The following KIAA1217 variants were observed in gnomAD, a reference collection of about 807,000 sequenced individuals.
KIAA1217 encodes the protein KIAA1217, also known as sickle tail protein homolog.
KIAA1217 carries 88 observed loss-of-function variants against 163.9 expected under a neutral mutation model. That is an observed-to-expected ratio of 0.54 (90% confidence interval 0.45 to 0.64). The LOEUF (loss-of-function observed/expected upper bound fraction) is 0.64. Among genes scored for constraint, KIAA1217 ranks in the 30% least tolerant of loss-of-function variants. The pLI is 0.00. For synonymous variants in KIAA1217, 903 were observed against 923.1 expected (o/e 0.98, Z 0.39); for missense variants, 2,372 against 2,475.0 (o/e 0.96, Z 0.88).
At chr10:23,727,776 C>T (rs1013787279) in intron 1 of KIAA1217, among the ~76,000 whole-genome samples, 2 of 152,094 alleles carry the variant, frequency 1.3e-5, no homozygotes, top group African/African-American at 4.8e-5. Context: ...AGGTATTTCT[C>T]CTGATGCTAT....
At chr10:24,360,939 C>T (rs540854471) in intron 2 of KIAA1217, among the ~76,000 whole-genome samples, 1 of 150,980 alleles carries the variant, frequency 6.6e-6, no homozygotes, top group African/African-American at 2.4e-5. Flanking sequence ...GAAAAGCAAG[C>T]ACAAATAATT....
At chr10:24,401,702 A>G (rs2056546183) in intron 3 of KIAA1217, among the ~76,000 whole-genome samples, 1 of 152,186 alleles carries the variant, frequency 6.6e-6, no homozygotes, top group Admixed American at 6.5e-5. Context: ...TCTTAACATA[A>G]TTCTGGACAT....
intron 6 of KIAA1217, among the ~76,000 whole-genome samples, chr10:24,491,291 T>C (rs1305056498): frequency 2.4e-5 from 2 of 83,276 alleles, no homozygotes; most frequent in African/African-American, 4.8e-5. Flanking sequence ...TTTTCCTTTT[T>C]TTTTTTTTTT....
intron 3 of KIAA1217, among the ~76,000 whole-genome samples, chr10:24,387,658 T>G (rs1431183660): frequency 1.3e-5 from 2 of 152,204 alleles, no homozygotes; most frequent in African/African-American, 4.8e-5. Context: ...AAAACCCCCG[T>G]TGTCTCAGCC....
At chr10:23,916,988 A>AT (rs59096878) in intron 1 of KIAA1217, among the ~76,000 whole-genome samples, 32 of 149,048 alleles carry the variant, frequency 2.1e-4, no homozygotes, top group Non-Finnish European at 2.8e-4. Context: ...AAAAAAAAAA[A>AT]GGTTTGTCTT....
At chr10:24,121,971 TTGA>T (rs2063298511) in intron 2 of KIAA1217, among the ~76,000 whole-genome samples, 1 of 152,190 alleles carries the variant, frequency 6.6e-6, no homozygotes, top group Admixed American at 6.5e-5. Context: ...TGTGGTTATC[TTGA>T]TGCTTTGTGT....
At chr10:24,011,254 G>A (rs1847224975) in intron 2 of KIAA1217, among the ~76,000 whole-genome samples, 1 of 152,148 alleles carries the variant, frequency 6.6e-6, no homozygotes, top group South Asian at 2.1e-4. Flanking sequence ...GGGAGGCTGA[G>A]GCAGGAGGAT....
At chr10:24,194,571 C>A (rs183168720) in intron 2 of KIAA1217, among the ~76,000 whole-genome samples, 14 of 151,118 alleles carry the variant, frequency 9.3e-5, no homozygotes, top group Non-Finnish European at 1.6e-4. Context: ...AGCCTCTTTT[C>A]TTTGTTTTGG....
At chr10:24,379,080 A>C (rs1428760945) in intron 2 of KIAA1217, among the ~76,000 whole-genome samples, 2 of 152,086 alleles carry the variant, frequency 1.3e-5, no homozygotes, top group East Asian at 3.9e-4. Context: ...TGTTGCTTAA[A>C]GTAATATTAT....
chr10:24,292,342 C>T (rs746478002), intron 2 of KIAA1217, among the ~76,000 whole-genome samples: 2 of 152,212 alleles, frequency 1.3e-5, no homozygotes, highest in East Asian at 3.8e-4. Context: ...GAATTAACCA[C>T]TGTATTTCTC....
At chr10:24,275,365 C>A (rs188364596) in intron 2 of KIAA1217, among the ~76,000 whole-genome samples, 4 of 152,074 alleles carry the variant, frequency 2.6e-5, no homozygotes, top group Non-Finnish European at 5.9e-5. Context: ...CACAAAAATG[C>A]GAAACTTGTG....
intron 2 of KIAA1217, among the ~76,000 whole-genome samples, chr10:24,105,837 G>T (rs1212659092): frequency 6.6e-6 from 1 of 152,220 alleles, no homozygotes; most frequent in African/African-American, 2.4e-5. Flanking sequence ...AATCCACAAG[G>T]CATGCATGCG....
At chr10:24,139,023 G>T (rs1315004268) in intron 2 of KIAA1217, among the ~76,000 whole-genome samples, 3 of 152,076 alleles carry the variant, frequency 2.0e-5, no homozygotes, top group Non-Finnish European at 4.4e-5. Context: ...TGTGATCACT[G>T]TATTAATAAT....
At chr10:23,817,907 T>C (rs1194526468) in intron 1 of KIAA1217, among the ~76,000 whole-genome samples, 4 of 142,580 alleles carry the variant, frequency 2.8e-5, no homozygotes, top group Non-Finnish European at 4.5e-5. Flanking sequence ...CTAGACAACA[T>C]AGCTAGACTC....
intron 6 of KIAA1217, among the ~76,000 whole-genome samples, chr10:24,491,170 A>G (rs138271912): frequency 6.6e-6 from 1 of 150,640 alleles, no homozygotes; most frequent in African/African-American, 2.4e-5. Flanking sequence ...CCATGTGTAG[A>G]TGACGTGGTC....
chr10:24,156,570 G>A (rs1292390095), intron 2 of KIAA1217, among the ~76,000 whole-genome samples: 1 of 152,098 alleles, frequency 6.6e-6, no homozygotes, highest in Non-Finnish European at 1.5e-5. Flanking sequence ...AGACTCACCT[G>A]CCAACATCAC....
At chr10:24,385,879 T>G (rs1406800680) in intron 3 of KIAA1217, among the ~76,000 whole-genome samples, 1 of 152,220 alleles carries the variant, frequency 6.6e-6, no homozygotes, top group Non-Finnish European at 1.5e-5. Context: ...GTCTGGAGTC[T>G]TAATGATGGA....
At chr10:24,360,203 T>C (rs1182480949) in intron 2 of KIAA1217, among the ~76,000 whole-genome samples, 2 of 151,870 alleles carry the variant, frequency 1.3e-5, no homozygotes, top group African/African-American at 4.8e-5. Context: ...CACGCCACCA[T>C]ACCCGGCTAA....
At chr10:24,272,637 T>C (rs1360013279) in intron 2 of KIAA1217, among the ~76,000 whole-genome samples, 3 of 152,246 alleles carry the variant, frequency 2.0e-5, no homozygotes, top group African/African-American at 4.8e-5. Flanking sequence ...TTGAGATAGC[T>C]GTTCAAATAG....
Sources: allele counts gnomAD v4.1 joint callset (sites outside exome capture counted in the v4.1 genomes callset), GRCh38; gene constraint gnomAD v4.1.1; transcripts MANE v1.5; gene names NCBI Gene and HGNC (gene_info 2026-07-23, HGNC 2026-07-21).